Variants in PPFIBP1 observed in about 807,000 individuals in gnomAD.
The protein encoded by PPFIBP1 is PPFIB scaffold protein 1.
A neutral mutation model predicts 137.8 loss-of-function variants in PPFIBP1; 112 were observed. The ratio of observed to expected loss-of-function variants is 0.81; its 90% CI spans 0.70 to 0.95. The LOEUF (loss-of-function observed/expected upper bound fraction) is 0.95. Among genes scored for constraint, PPFIBP1 ranks in the 40% least tolerant of loss-of-function variants. PPFIBP1 has a pLI of 0.00. For missense variants in PPFIBP1, 1,083 were observed against 1,196.6 expected, an observed-to-expected ratio of 0.91 and a Z score of 1.40; for synonymous variants, 378 against 417.3, an observed-to-expected ratio of 0.91 and a Z score of 1.15.
chr12:27,687,456 G>A lies in PPFIBP1; in HGVS notation c.2319G>A (p.Leu773=), dbSNP rs761392496. Residue 773 remains leucine, a synonymous_variant, in exon 25 of 30, where the codon CTG becomes CTA. Coordinates refer to ENST00000228425, the MANE Select transcript of PPFIBP1 (RefSeq NM_003622.4). ...GTATCAAAAGGGCCATCCAGGTCCTGAGGATCAATAACTTTGAACCAAACT... is the reference window on the plus strand; with the variant it reads ...GTATCAAAAGGGCCATCCAGGTCCTAAGGATCAATAACTTTGAACCAAACT... ...HLSIKRAIQV[L]RINNFEPNCL... The A allele has an allele frequency of 2.5e-6, 4 of 1,613,924 alleles. No homozygotes were observed. In the South Asian group the frequency reaches 4.4e-5, roughly 18 times the overall value.
intron 2 of PPFIBP1, chr12:27,592,388 T>G (rs2052627629): frequency 1.7e-6 from 1 of 598,060 alleles, no homozygotes; most frequent in Non-Finnish European, 2.9e-6. Flanking sequence ...AAAAATAAAC[T>G]ATTGGGGATT....
Position 27,693,187 on chromosome 12 carries a change from C to T in PPFIBP1, c.*305C>T, listed in dbSNP as rs993785827. 1.6e-5 allele frequency: 4 copies of T among 242,432 alleles called. No homozygotes were observed. Among genetic ancestry groups the T allele is most frequent in the Non-Finnish European group, 2.4e-5 (3 of 126,492 alleles). The allele number at this position is 242,432 out of a possible 1,614,324, so 15.0% of individuals were successfully genotyped here. On this transcript the variant is annotated 3_prime_UTR_variant, in exon 30 of 30. Coordinates refer to ENST00000228425, the MANE Select transcript of PPFIBP1 (RefSeq NM_003622.4). The stretch of plus-strand genomic sequence containing the variant: ...ACCAGAGTGTTTCCATTCATATCCG[C>T]GGTATGGAGGATTTGAGGAACAGTA...
At chr12:27,631,942 C>G (rs982914340) in intron 2 of PPFIBP1, among the ~76,000 whole-genome samples, 5 of 152,052 alleles carry the variant, frequency 3.3e-5, no homozygotes, top group African/African-American at 1.2e-4. Flanking sequence ...AAATATGTGT[C>G]CTGCTTCTTT....
intron 5 of PPFIBP1, 141 bp downstream of exon 5, chr12:27,646,289 G>A: frequency 2.8e-6 from 2 of 709,760 alleles, no homozygotes; most frequent in South Asian, 1.5e-5. Flanking sequence ...ACAATAGGGA[G>A]TGGTGAGGAT....
chr12:27,554,065 T>C (rs1216410906), intron 1 of PPFIBP1, among the ~76,000 whole-genome samples: 5 of 152,232 alleles, frequency 3.3e-5, no homozygotes, highest in Admixed American at 3.3e-4. Flanking sequence ...ACAGCACCCA[T>C]CTGGTTAACA....
intron 1 of PPFIBP1, among the ~76,000 whole-genome samples, chr12:27,559,402 C>T (rs536622692): frequency 2.0e-5 from 3 of 152,094 alleles, no homozygotes; most frequent in East Asian, 3.9e-4. Context: ...CTCCTGACCT[C>T]GTGATCCATC....
At chr12:27,571,163 A>G (rs2050110085) in intron 1 of PPFIBP1, among the ~76,000 whole-genome samples, 1 of 151,792 alleles carries the variant, frequency 6.6e-6, no homozygotes, top group African/African-American at 2.4e-5. Flanking sequence ...ATTGGTAACC[A>G]CTCCTGTAAC....
intron 2 of PPFIBP1, among the ~76,000 whole-genome samples, chr12:27,622,658 T>A (rs1324875137): frequency 6.6e-6 from 1 of 152,242 alleles, no homozygotes; most frequent in Non-Finnish European, 1.5e-5. Flanking sequence ...CTGAAACCAC[T>A]GGAATGTCAG....
At chr12:27,598,292 G>C (rs2053554579) in intron 2 of PPFIBP1, among the ~76,000 whole-genome samples, 1 of 152,200 alleles carries the variant, frequency 6.6e-6, no homozygotes, top group Non-Finnish European at 1.5e-5. Flanking sequence ...CAAAGGAGCA[G>C]CAAAGTCACA....
chr12:27,593,237 CT>C (rs1180344614), intron 2 of PPFIBP1, among the ~76,000 whole-genome samples: 10 of 151,912 alleles, frequency 6.6e-5, no homozygotes, highest in Middle Eastern at 3.4e-3. Flanking sequence ...CTCAGCATTC[CT>C]CAGTCTTTTC....
At chr12:27,652,694 C>T (rs1361804327) in intron 7 of PPFIBP1, among the ~76,000 whole-genome samples, 1 of 151,964 alleles carries the variant, frequency 6.6e-6, no homozygotes, top group Non-Finnish European at 1.5e-5. Flanking sequence ...GTGGTTTCTT[C>T]TTTGCACGAG....
chr12:27,655,981 A>G (rs1291409239), intron 8 of PPFIBP1, among the ~76,000 whole-genome samples: 1 of 152,252 alleles, frequency 6.6e-6, no homozygotes, highest in Non-Finnish European at 1.5e-5. Flanking sequence ...TGGACTTGAA[A>G]TCTTATACAC....
At chr12:27,531,568 G>T (rs1944435499) in intron 1 of PPFIBP1, among the ~76,000 whole-genome samples, 1 of 151,990 alleles carries the variant, frequency 6.6e-6, no homozygotes, top group Non-Finnish European at 1.5e-5. Flanking sequence ...CTCCCAAAGT[G>T]CTGGGATTAC....
chr12:27,629,088 G>A (rs7358745), intron 2 of PPFIBP1, among the ~76,000 whole-genome samples: 48,188 of 152,070 alleles, frequency 0.32, 8,236 homozygotes, highest in Middle Eastern at 0.39. Flanking sequence ...AGTTGGGCTG[G>A]CATGCATGGA....
intron 4 of PPFIBP1, among the ~76,000 whole-genome samples, chr12:27,638,354 A>G (rs2057837035): frequency 6.6e-6 from 1 of 152,222 alleles, no homozygotes; most frequent in African/African-American, 2.4e-5. Flanking sequence ...TGTTTTAAAA[A>G]AGGAAGCAGT....
intron 13 of PPFIBP1, among the ~76,000 whole-genome samples, chr12:27,669,076 G>C (rs1237296363): frequency 1.3e-5 from 2 of 151,758 alleles, no homozygotes; most frequent in African/African-American, 4.8e-5. Context: ...TTCCTTTTTT[G>C]GTCATTTCTC....
chr12:27,557,238 A>ATTTTT (rs4035629), intron 1 of PPFIBP1, among the ~76,000 whole-genome samples: 1 of 142,094 alleles, frequency 7.0e-6, no homozygotes, highest in Non-Finnish European at 1.5e-5. Context: ...CATGGTAACA[A>ATTTTT]TTTTTTTTTT....
intron 9 of PPFIBP1, 105 bp downstream of exon 9, chr12:27,656,835 G>T (rs1252451282): frequency 1.8e-5 from 14 of 768,616 alleles, no homozygotes; most frequent in Non-Finnish European, 3.1e-5. Flanking sequence ...ATCAAAGAAA[G>T]AGCAGCAGAA....
At chr12:27,553,466 C>T (rs1946985185) in intron 1 of PPFIBP1, among the ~76,000 whole-genome samples, 1 of 152,328 alleles carries the variant, frequency 6.6e-6, no homozygotes, top group African/African-American at 2.4e-5. Flanking sequence ...TGATACACAC[C>T]ATGACATGTG....
Sources: allele counts gnomAD v4.1 joint callset (sites outside exome capture counted in the v4.1 genomes callset), GRCh38; gene constraint gnomAD v4.1.1; transcripts MANE v1.5; gene names NCBI Gene and HGNC (gene_info 2026-07-23, HGNC 2026-07-21).